The following SMG6 variants were observed in gnomAD, a reference collection of about 807,000 sequenced individuals.
SMG6 encodes SMG6 nonsense mediated mRNA decay factor.
In SMG6, 66 loss-of-function variants were observed where a neutral mutation model predicts 142.2. The observed-to-expected ratio is 0.46, with a 90% CI of 0.38 to 0.57. SMG6 has a LOEUF of 0.57. Ranked by LOEUF, SMG6 falls within the 20% of genes least tolerant of loss-of-function variation. The pLI, the probability that SMG6 is intolerant of heterozygous loss-of-function variation, is 0.00. For missense variants in SMG6, 1,793 were observed against 1,832.0 expected, an observed-to-expected ratio of 0.98 and a Z score of 0.39; for synonymous variants, 779 against 702.4, an observed-to-expected ratio of 1.11 and a Z score of -1.72.
intron 4 of SMG6, among the ~76,000 whole-genome samples, chr17:2,293,722 C>A (rs1042377505): frequency 2.0e-5 from 3 of 152,232 alleles, no homozygotes; most frequent in Admixed American, 6.5e-5. Flanking sequence ...CATGTGCCTG[C>A]CTCAGCATCC....
At chr17:2,092,397 C>T (rs986068566) in intron 13 of SMG6, among the ~76,000 whole-genome samples, 1 of 152,196 alleles carries the variant, frequency 6.6e-6, no homozygotes, top group Non-Finnish European at 1.5e-5. Flanking sequence ...CTGGTCCCAA[C>T]AGCTGTGTTT....
At chr17:2,189,221 G>A (rs1273111571) in intron 10 of SMG6, among the ~76,000 whole-genome samples, 3 of 152,088 alleles carry the variant, frequency 2.0e-5, no homozygotes, top group Non-Finnish European at 4.4e-5. Context: ...CCCTCTTCCC[G>A]TCACTTTTTC....
intron 11 of SMG6, among the ~76,000 whole-genome samples, chr17:2,188,077 G>A (rs554281014): frequency 4.6e-4 from 70 of 152,236 alleles, no homozygotes; most frequent in African/African-American, 1.2e-3. Flanking sequence ...AAAACACAAC[G>A]TCGATTATGG....
chr17:2,061,483 G>C lies in SMG6; in HGVS notation c.*9C>G. ...GGTTCCACGGGGGGGGGGCCCCAGT[G>C]TGGCTCCCTCAGCCCACCTGGGCCC... On this transcript the variant is annotated 3_prime_UTR_variant, in exon 19 of 19. Coordinates refer to ENST00000263073, the MANE Select transcript of SMG6 (RefSeq NM_017575.5). The C allele has an allele frequency of 6.4e-7, 1 of 1,564,354 alleles. No homozygotes were observed. Among genetic ancestry groups the C allele is most frequent in the East Asian group, 2.4e-5 (1 of 42,382 alleles).
chr17:2,268,619 T>C (rs1442566994), intron 8 of SMG6, among the ~76,000 whole-genome samples: 1 of 151,766 alleles, frequency 6.6e-6, no homozygotes, highest in Admixed American at 6.6e-5. Flanking sequence ...CTTAAAAAAA[T>C]ACAAAAATTA....
At chr17:2,286,571 C>T (rs1052608400) in intron 6 of SMG6, among the ~76,000 whole-genome samples, 1 of 152,080 alleles carries the variant, frequency 6.6e-6, no homozygotes, top group Non-Finnish European at 1.5e-5. Flanking sequence ...TGAAGTTGGA[C>T]CTTTACCTCA....
chr17:2,092,535 A>G (rs2068753691), intron 13 of SMG6, among the ~76,000 whole-genome samples: 1 of 152,184 alleles, frequency 6.6e-6, no homozygotes, highest in South Asian at 2.1e-4. Flanking sequence ...GAACTGGCAA[A>G]TGGTCAGATG....
chr17:2,185,326 C>A (rs75151064), intron 12 of SMG6, among the ~76,000 whole-genome samples: 1 of 152,056 alleles, frequency 6.6e-6, no homozygotes, highest in Non-Finnish European at 1.5e-5. Flanking sequence ...CTTACAGACA[C>A]ACAGACAAAT....
At chr17:2,103,220 A>G (rs2069060270) in intron 13 of SMG6, among the ~76,000 whole-genome samples, 1 of 152,134 alleles carries the variant, frequency 6.6e-6, no homozygotes, top group South Asian at 2.1e-4. Context: ...CTTGGAAAGG[A>G]GGAAAGGATC....
intron 13 of SMG6, among the ~76,000 whole-genome samples, chr17:2,104,296 A>G (rs561507959): frequency 6.6e-6 from 1 of 152,232 alleles, no homozygotes; most frequent in South Asian, 2.1e-4. Context: ...GGGTTTCACC[A>G]TGTTGGCCAG....
At chr17:2,272,119 TG>T (rs1355191326) in intron 8 of SMG6, among the ~76,000 whole-genome samples, 1 of 152,202 alleles carries the variant, frequency 6.6e-6, no homozygotes, top group African/African-American at 2.4e-5. Flanking sequence ...CAAACTAGAA[TG>T]TGGCTCTGGC....
At chr17:2,175,262 C>T (rs1271988630) in intron 12 of SMG6, among the ~76,000 whole-genome samples, 3 of 152,180 alleles carry the variant, frequency 2.0e-5, no homozygotes, top group African/African-American at 7.2e-5. Flanking sequence ...TGAAAAGTCT[C>T]CCAGCTGAAT....
At chr17:2,101,894 T>C (rs894406035) in intron 13 of SMG6, among the ~76,000 whole-genome samples, 1 of 152,194 alleles carries the variant, frequency 6.6e-6, no homozygotes, top group Non-Finnish European at 1.5e-5. Flanking sequence ...TCCAGAACAT[T>C]CACAGGTGTT....
intron 6 of SMG6, among the ~76,000 whole-genome samples, chr17:2,289,945 T>C (rs1169600144): frequency 2.5e-5 from 3 of 118,112 alleles, no homozygotes; most frequent in East Asian, 3.2e-4. Context: ...TTTATACATA[T>C]ATATATATAT....
intron 1 of SMG6, among the ~76,000 whole-genome samples, chr17:2,301,132 G>A (rs1189942561): frequency 1.3e-5 from 2 of 152,124 alleles, no homozygotes; most frequent in Admixed American, 6.5e-5. Flanking sequence ...ACAGCAGGAG[G>A]AAGAAGTAAA....
chr17:2,274,779 G>C (rs751014770), intron 8 of SMG6, among the ~76,000 whole-genome samples: 11 of 152,172 alleles, frequency 7.2e-5, no homozygotes, highest in Non-Finnish European at 1.6e-4. Context: ...TGCTGGCAAT[G>C]GTAAACCAAA....
At chr17:2,146,527 T>C (rs1274496503) in intron 13 of SMG6, among the ~76,000 whole-genome samples, 1 of 152,244 alleles carries the variant, frequency 6.6e-6, no homozygotes, top group Non-Finnish European at 1.5e-5. Flanking sequence ...AACAGTGAAT[T>C]TGATGGCTCA....
intron 10 of SMG6, among the ~76,000 whole-genome samples, chr17:2,204,683 G>T (rs1191831739): frequency 1.3e-5 from 2 of 152,210 alleles, no homozygotes; most frequent in Non-Finnish European, 2.9e-5. Context: ...AATGCTTCCA[G>T]CTGGGCATGG....
intron 10 of SMG6, among the ~76,000 whole-genome samples, chr17:2,232,506 C>T (rs1463690837): frequency 6.6e-6 from 1 of 152,162 alleles, no homozygotes; most frequent in African/African-American, 2.4e-5. Flanking sequence ...CTGTTGCCTT[C>T]TTCACCCATG....
Sources: gnomAD v4.1 joint callset for allele counts (sites outside exome capture counted in the v4.1 genomes callset) on GRCh38, gnomAD v4.1.1 for gene constraint, MANE v1.5 for transcripts, NCBI Gene and HGNC (gene_info 2026-07-23, HGNC 2026-07-21) for gene names.